CYSLTR2: variants seen among roughly 807,000 people sequenced by gnomAD.
The protein encoded by CYSLTR2 is G-protein coupled receptor GPCR21.
For missense variants in CYSLTR2, 398 were observed against 411.9 expected, an observed-to-expected ratio of 0.97 and a Z score of 0.29; for synonymous variants, 179 against 160.8, an observed-to-expected ratio of 1.11 and a Z score of -0.86.
intron 1 of CYSLTR2, among the ~76,000 whole-genome samples, chr13:48,671,260 C>G (rs1452587093): frequency 6.6e-6 from 1 of 152,174 alleles, no homozygotes. Flanking sequence ...TATTTGAATA[C>G]ACTTTGTTTC....
At chr13:48,672,493 G>C (rs192538487) in intron 1 of CYSLTR2, among the ~76,000 whole-genome samples, 88 of 151,860 alleles carry the variant, frequency 5.8e-4, no homozygotes, top group Non-Finnish European at 8.2e-4. Context: ...TGTTCTCATT[G>C]GTTTCAAAGA....
chr13:48,684,721 T>TAG (rs1953853224), intron 1 of CYSLTR2, among the ~76,000 whole-genome samples: 1 of 152,134 alleles, frequency 6.6e-6, no homozygotes, highest in African/African-American at 2.4e-5. Flanking sequence ...CCCAGGTACC[T>TAG]GTGAAAGTGG....
intron 1 of CYSLTR2, among the ~76,000 whole-genome samples, chr13:48,665,713 A>G (rs1953244702): frequency 6.6e-6 from 1 of 151,784 alleles, no homozygotes; most frequent in Non-Finnish European, 1.5e-5. Flanking sequence ...AGGTTAGGTG[A>G]TTTTCTTATA....
At chr13:48,674,935 C>T (rs747540433) in intron 1 of CYSLTR2, among the ~76,000 whole-genome samples, 1 of 152,186 alleles carries the variant, frequency 6.6e-6, no homozygotes, top group East Asian at 1.9e-4. Context: ...CCCCGTTTGC[C>T]TGGGTATCAC....
intron 1 of CYSLTR2, among the ~76,000 whole-genome samples, chr13:48,677,023 A>G (rs990285942): frequency 2.6e-5 from 4 of 152,132 alleles, no homozygotes; most frequent in African/African-American, 9.7e-5. Context: ...GAGGACAAAG[A>G]TGGGGCTCCA....
chr13:48,666,692 A>G (rs1378363955), intron 1 of CYSLTR2, among the ~76,000 whole-genome samples: 2 of 151,702 alleles, frequency 1.3e-5, no homozygotes, highest in African/African-American at 4.8e-5. Context: ...GAAGCTCTCT[A>G]TTATATTTTT....
intron 1 of CYSLTR2, among the ~76,000 whole-genome samples, chr13:48,678,076 G>T (rs1262278349): frequency 6.6e-6 from 1 of 152,164 alleles, no homozygotes; most frequent in Non-Finnish European, 1.5e-5. Context: ...GGCAGTGAGA[G>T]CCTCTGAAAT....
chr13:48,678,557 C>T (rs1048522074), intron 1 of CYSLTR2, among the ~76,000 whole-genome samples: 4 of 152,094 alleles, frequency 2.6e-5, no homozygotes, highest in Non-Finnish European at 4.4e-5. Flanking sequence ...GTTACTATCA[C>T]GTGCTGACAG....
chr13:48,706,117 C>T (rs1233820346), intron 4 of CYSLTR2, among the ~76,000 whole-genome samples: 10 of 151,804 alleles, frequency 6.6e-5, no homozygotes, highest in Admixed American at 6.6e-4. Context: ...CTGCCTCAGC[C>T]TCCCGGGTAG....
At chr13:48,706,753 TA>T in intron 4 of CYSLTR2, 63 bp from the exon 5 acceptor site, 1 of 1,317,056 alleles carries the variant, frequency 7.6e-7, no homozygotes, top group Non-Finnish European at 1.1e-6. Context: ...ATGTAATCAG[TA>T]AGCAAGAAGG....
Position 48,695,223 on chromosome 13 carries a change from C to T in CYSLTR2, c.-102-1303C>T, listed in dbSNP as rs190363735. Among the ~76,000 whole-genome samples the T allele has an allele frequency of 4.1e-3, 616 of 151,664 alleles. 2 individuals are homozygous for T. Among genetic ancestry groups the T allele is most frequent in the South Asian group, 0.012 (58 of 4,778 alleles). On this transcript the variant is annotated intron_variant, in intron 3 of 4. Coordinates refer to ENST00000682523, the MANE Select transcript of CYSLTR2 (RefSeq NM_001308476.3). ...CTGAGGAGCTGGGACTACAGGCATG[C>T]GCCACCACGCCCAGCTAATCTTTTT...
chr13:48,671,994 T>G (rs577748736), intron 1 of CYSLTR2, among the ~76,000 whole-genome samples: 79 of 152,188 alleles, frequency 5.2e-4, no homozygotes, highest in Non-Finnish European at 1.9e-4. Flanking sequence ...ATTCCACTTC[T>G]TCCTGGTTTA....
At chr13:48,682,812 G>C (rs951033860) in intron 1 of CYSLTR2, among the ~76,000 whole-genome samples, 1 of 152,096 alleles carries the variant, frequency 6.6e-6, no homozygotes, top group African/African-American at 2.4e-5. Context: ...CTTGTATAGA[G>C]TATTTTGTCA....
chr13:48,706,715 G>T (rs1217745040), intron 4 of CYSLTR2, 102 bp from the exon 5 acceptor site: 4 of 892,516 alleles, frequency 4.5e-6, no homozygotes, highest in African/African-American at 1.7e-5. Flanking sequence ...AGATAGTATT[G>T]CTCCCTGTTT....
rs960204858 is a variant in CYSLTR2, at chr13:48,710,122, A to G, written c.*2264A>G. On this transcript the variant is annotated 3_prime_UTR_variant, in exon 5 of 5. Coordinates refer to ENST00000682523, the MANE Select transcript of CYSLTR2 (RefSeq NM_001308476.3). ...GCTCAGCTGTGAATAATATTTACAT[A>G]GAGGATAATGTGAATATAATAGTCT... is the stretch of plus-strand genomic sequence containing the variant. 2 of 152,274 alleles carry G rather than the reference A, an allele frequency of 1.3e-5. No individual in the cohort carries two copies. Among genetic ancestry groups the G allele is most frequent in the African/African-American group, 2.4e-5 (1 of 41,474 alleles). The allele number at this position is 152,274 out of a possible 1,614,324, so 9.4% of individuals were successfully genotyped here. A position where few individuals can be genotyped will look rare whatever the true frequency, so the allele number is the denominator to read the frequency against.
chr13:48,675,346 T>C (rs1247155014), intron 1 of CYSLTR2, among the ~76,000 whole-genome samples: 1 of 152,112 alleles, frequency 6.6e-6, no homozygotes, highest in Non-Finnish European at 1.5e-5. Context: ...TGCCCAGAGA[T>C]GAGGAATCTA....
At chr13:48,658,883 T>C (rs951463467) in intron 1 of CYSLTR2, among the ~76,000 whole-genome samples, 2 of 151,860 alleles carry the variant, frequency 1.3e-5, no homozygotes, top group African/African-American at 4.8e-5. Context: ...GATAATGGGT[T>C]TTAAGTGGAA....
Position 48,707,763 on chromosome 13 carries a change from C to A in CYSLTR2, c.946C>A (p.Leu316Ile). 1 of 1,597,828 alleles carries A rather than the reference C, an allele frequency of 6.3e-7. No individual in the cohort carries two copies. Among genetic ancestry groups the A allele is most frequent in the East Asian group, 2.2e-5 (1 of 44,716 alleles). ...YFAGENFKDR[L>I]KSALRKGHPQ... ...TGCTGGGGAGAATTTTAAGGACAGA[C>A]TAAAGTCTGCACTCAGAAAAGGCCA... The change falls in exon 5 of 5, where the codon CTA becomes ATA. Residue 316 changes from leucine to isoleucine, a missense_variant. Coordinates refer to ENST00000682523, the MANE Select transcript of CYSLTR2 (RefSeq NM_001308476.3).
chr13:48,688,038 T>A (rs1482111811), intron 1 of CYSLTR2, among the ~76,000 whole-genome samples: 2 of 152,172 alleles, frequency 1.3e-5, no homozygotes, highest in African/African-American at 4.8e-5. Context: ...AAGTAACTGT[T>A]CTTACCCAGG....
Sources: gnomAD v4.1 joint callset for allele counts (sites outside exome capture counted in the v4.1 genomes callset) on GRCh38, gnomAD v4.1.1 for gene constraint, MANE v1.5 for transcripts, NCBI Gene and HGNC (gene_info 2026-07-23, HGNC 2026-07-21) for gene names.